Variants in CCDC32 observed in about 807,000 individuals in gnomAD.
CCDC32 encodes the protein coiled-coil domain containing 32.
In CCDC32, 9 loss-of-function variants were observed where a neutral mutation model predicts 20.1. That is an observed-to-expected ratio of 0.45 (90% CI 0.27 to 0.78). The LOEUF (loss-of-function observed/expected upper bound fraction) is 0.78, where lower values mean the gene tolerates loss of function less well. Ranked by LOEUF, CCDC32 falls within the 30% of genes least tolerant of loss-of-function variation. The probability of loss-of-function intolerance (pLI) is 0.16; values close to 1 mark genes in which losing one functional copy is unlikely to be tolerated. For missense variants in CCDC32, 204 were observed against 215.5 expected, an observed-to-expected ratio of 0.95 and a Z score of 0.33; for synonymous variants, 63 against 79.0, an observed-to-expected ratio of 0.80 and a Z score of 1.07.
intron 3 of CCDC32, among the ~76,000 whole-genome samples, chr15:40,546,627 C>A (rs745515482): frequency 2.6e-5 from 4 of 152,006 alleles, no homozygotes; most frequent in Admixed American, 6.6e-5. Context: ...ACATCTGTGT[C>A]ATTTGTGAGT....
intron 3 of CCDC32, among the ~76,000 whole-genome samples, chr15:40,555,873 T>TC (rs11287205): frequency 3.3e-5 from 5 of 151,954 alleles, no homozygotes; most frequent in East Asian, 1.9e-4. Flanking sequence ...AATTTTTTAC[T>TC]CCCCCCCATT....
chr15:40,529,260 G>A (rs1405574094), intron 3 of CCDC32, among the ~76,000 whole-genome samples: 1 of 152,200 alleles, frequency 6.6e-6, no homozygotes, highest in East Asian at 1.9e-4. Flanking sequence ...GAGGTCCGAA[G>A]AATACAGAAA....
At chr15:40,530,706 C>T (rs929023660), downstream of CCDC32, among the ~76,000 whole-genome samples, 55 of 132,352 alleles carry the variant, frequency 4.2e-4, no homozygotes, top group Admixed American at 4.5e-4. Flanking sequence ...TATAAATTAC[C>T]CAGTCTCAGG....
downstream of CCDC32, among the ~76,000 whole-genome samples, chr15:40,525,871 T>A (rs11070276): frequency 0.87 from 132,237 of 152,118 alleles, 58,084 homozygotes; most frequent in Non-Finnish European, 0.93. Context: ...GGCCCTTGGA[T>A]GCTCATACTT....
chr15:40,548,166 G>C (rs186602752), downstream of CCDC32, among the ~76,000 whole-genome samples: 21 of 152,146 alleles, frequency 1.4e-4, no homozygotes, highest in Admixed American at 1.4e-3. Context: ...GCTTTCTGAT[G>C]GGCTCAAGAA....
chr15:40,562,596 T>A (rs971483021), intron 2 of CCDC32, among the ~76,000 whole-genome samples, 176 bp downstream of exon 2: 1 of 151,550 alleles, frequency 6.6e-6, no homozygotes, highest in African/African-American at 2.4e-5. Flanking sequence ...AAAATAAAAA[T>A]AAAAAAAGAT....
intron 1 of CCDC32, 62 bp from the exon 2 acceptor site, chr15:40,563,089 A>G: frequency 6.5e-6 from 10 of 1,543,094 alleles, no homozygotes; most frequent in African/African-American, 1.4e-5. Context: ...AAGGTTGAGC[A>G]CAGTGGCTCA....
Position 40,557,312 on chromosome 15 carries a change from C to G in CCDC32, c.305G>C (p.Arg102Pro). The G allele has an allele frequency of 6.2e-7, 1 of 1,614,108 alleles. No homozygotes were observed. The highest frequency in any genetic ancestry group is 8.5e-7 in the Non-Finnish European group (1 of 1,180,018). Residue 102 changes from arginine to proline, a missense_variant, in exon 3 of 4, where the codon CGA (arginine) becomes CCA (proline). By Grantham distance (103) the Arg-to-Pro change is moderately radical. Coordinates refer to ENST00000416810, the MANE Select transcript of CCDC32 (RefSeq NM_001080792.4). ...NQEVTSKDML[R>P]TLAQAKKECW... The stretch of plus-strand genomic sequence containing the variant: ...TTCCTTCTTGGCTTGGGCCAGAGTT[C>G]GAAGCATGTCCTTGGAAGTCACTTC...
chr15:40,535,421 G>T, downstream of CCDC32: 1 of 998,374 alleles, frequency 1.0e-6, no homozygotes, highest in Non-Finnish European at 1.2e-6. Flanking sequence ...TTCAAAAAGT[G>T]CTTTCATGAG....
At chr15:40,538,335 A>T (rs1889221465), downstream of CCDC32, 1 of 152,158 alleles carries the variant, frequency 6.6e-6, no homozygotes, top group Non-Finnish European at 1.5e-5. Context: ...CATGGCCATG[A>T]TTTGAAAGTC....
chr15:40,562,996 G>A lies in CCDC32; in HGVS notation c.20C>T (p.Ala7Val), dbSNP rs1890757106. 5.0e-6 allele frequency: 8 copies of A among 1,614,070 alleles called. No individual in the cohort carries two copies. Among genetic ancestry groups the A allele is most frequent in the Non-Finnish European group, 5.9e-6 (7 of 1,180,042 alleles). Residue 7 changes from alanine (A) to valine (V), a missense_variant, in exon 2 of 4, where the codon GCT becomes GTT. Ala to Val is a moderately conservative substitution (Grantham distance 64). Transcript: ENST00000416810. Reference protein sequence around the residue: MKMFESADSTATRSGQD... With the variant: MKMFESVDSTATRSGQD... ...GCCAGATCTTGTGGCTGTAGAGTCAGCGCTCTCAAACATTTTCATTTGGAA... is the reference window on the plus strand; with the variant it reads ...GCCAGATCTTGTGGCTGTAGAGTCAACGCTCTCAAACATTTTCATTTGGAA...
intron 3 of CCDC32, among the ~76,000 whole-genome samples, chr15:40,543,140 TA>T (rs147088623): frequency 5.7e-5 from 8 of 140,182 alleles, no homozygotes; most frequent in East Asian, 4.2e-4. Flanking sequence ...AGACTCTGTC[TA>T]AAAAAAAAAA....
intron 3 of CCDC32, among the ~76,000 whole-genome samples, chr15:40,529,886 C>T (rs1005822883): frequency 8.6e-5 from 13 of 151,166 alleles, no homozygotes; most frequent in African/African-American, 2.9e-4. Flanking sequence ...TGGTCTCGAT[C>T]TCCTGACCTT....
chr15:40,539,566 G>A (rs1156675233), intron 3 of CCDC32, among the ~76,000 whole-genome samples: 4 of 152,220 alleles, frequency 2.6e-5, no homozygotes, highest in Middle Eastern at 3.4e-3. Flanking sequence ...AGAGACAAAC[G>A]GAGGCACAGG....
At chr15:40,532,272 A>G (rs779751086), downstream of CCDC32, 12 of 703,112 alleles carry the variant, frequency 1.7e-5, no homozygotes, top group Non-Finnish European at 2.6e-6. Context: ...ATCAGGTGTC[A>G]AAGCAAATTC....
chr15:40,543,914 G>T (rs546332785), intron 3 of CCDC32, among the ~76,000 whole-genome samples: 13 of 152,238 alleles, frequency 8.5e-5, no homozygotes, highest in African/African-American at 2.9e-4. Context: ...CTATGTCCCA[G>T]GTACACAGGT....
intron 3 of CCDC32, 188 bp downstream of exon 3, chr15:40,557,028 C>G (rs1185964976): frequency 3.5e-6 from 2 of 567,004 alleles, no homozygotes; most frequent in East Asian, 3.1e-5. Context: ...TTCTCAAGTT[C>G]ATTGCATACT....
chr15:40,564,029 C>T (rs1426372621), intron 1 of CCDC32, among the ~76,000 whole-genome samples: 1 of 152,014 alleles, frequency 6.6e-6, no homozygotes, highest in African/African-American at 2.4e-5. Context: ...CACCGTTTAG[C>T]CAGGGTGGTC....
chr15:40,524,954 C>G (rs1894882590), downstream of CCDC32, among the ~76,000 whole-genome samples: 2 of 151,488 alleles, frequency 1.3e-5, no homozygotes. Flanking sequence ...CTCCCAACTC[C>G]TGGGGCTCAA....
Sources: gnomAD v4.1 joint callset for allele counts (sites outside exome capture counted in the v4.1 genomes callset) on GRCh38, gnomAD v4.1.1 for gene constraint, MANE v1.5 for transcripts, NCBI Gene and HGNC (gene_info 2026-07-23, HGNC 2026-07-21) for gene names.